SH3RF1: variants seen among roughly 807,000 people sequenced by gnomAD.
SH3RF1 encodes SH3 domain containing ring finger 1, also known as E3 ubiquitin-protein ligase SH3RF1.
SH3RF1 carries 32 observed loss-of-function variants against 74.0 expected under a neutral mutation model. The observed-to-expected ratio is 0.43, with a 90% CI of 0.33 to 0.58. SH3RF1 has a LOEUF of 0.58. Ranked by LOEUF, SH3RF1 falls within the 20% of genes least tolerant of loss-of-function variation. The pLI is 0.05. For missense variants in SH3RF1, 954 were observed against 1,130.9 expected (o/e 0.84, Z 2.24); for synonymous variants, 396 against 439.6 (o/e 0.90, Z 1.24).
At chr4:169,184,845 G>A (rs1229887668) in intron 2 of SH3RF1, among the ~76,000 whole-genome samples, 1 of 152,186 alleles carries the variant, frequency 6.6e-6, no homozygotes, top group Non-Finnish European at 1.5e-5. Flanking sequence ...GGACTAAGCA[G>A]TAGAAAACAG....
At chr4:169,218,025 G>A (rs1050443994) in intron 2 of SH3RF1, among the ~76,000 whole-genome samples, 6 of 151,508 alleles carry the variant, frequency 4.0e-5, no homozygotes, top group Non-Finnish European at 2.9e-5. Flanking sequence ...ATTTAAATGT[G>A]AATGCTATTA....
chr4:169,208,535 T>A (rs1285044355), intron 2 of SH3RF1, among the ~76,000 whole-genome samples: 1 of 152,218 alleles, frequency 6.6e-6, no homozygotes, highest in African/African-American at 2.4e-5. Context: ...ATAATTGTTT[T>A]CATTCCTAAT....
At chr4:169,203,204 C>T (rs1313359855) in intron 2 of SH3RF1, among the ~76,000 whole-genome samples, 1 of 152,138 alleles carries the variant, frequency 6.6e-6, no homozygotes, top group East Asian at 1.9e-4. Context: ...CACAGAGTAT[C>T]AACTCATAAC....
At chr4:169,265,052 C>A (rs774886792) in intron 2 of SH3RF1, among the ~76,000 whole-genome samples, 8 of 152,184 alleles carry the variant, frequency 5.3e-5, no homozygotes, top group Non-Finnish European at 1.2e-4. Context: ...AAATGCAGGT[C>A]TTTCTTCTAT....
chr4:169,250,390 G>A (rs887334164), intron 2 of SH3RF1, among the ~76,000 whole-genome samples: 5 of 151,462 alleles, frequency 3.3e-5, no homozygotes, highest in Admixed American at 6.6e-5. Flanking sequence ...ACAATACAAA[G>A]TGAATTGCCA....
chr4:169,187,773 T>G (rs1400386271), intron 2 of SH3RF1, among the ~76,000 whole-genome samples: 1 of 152,166 alleles, frequency 6.6e-6, no homozygotes, highest in Non-Finnish European at 1.5e-5. Flanking sequence ...AGGATATTGT[T>G]TGTGTTGGGT....
chr4:169,260,544 A>G (rs970113553), intron 2 of SH3RF1, among the ~76,000 whole-genome samples: 1 of 152,242 alleles, frequency 6.6e-6, no homozygotes, highest in Non-Finnish European at 1.5e-5. Flanking sequence ...GCAGAGGTGG[A>G]ACTTTTCAAA....
At chr4:169,163,546 T>G (rs936034478) in intron 2 of SH3RF1, among the ~76,000 whole-genome samples, 1 of 152,152 alleles carries the variant, frequency 6.6e-6, no homozygotes, top group Non-Finnish European at 1.5e-5. Flanking sequence ...CAGCAAACTA[T>G]AACCACAGTA....
chr4:169,167,781 G>A (rs1047186362), intron 2 of SH3RF1, among the ~76,000 whole-genome samples: 1 of 152,064 alleles, frequency 6.6e-6, no homozygotes, highest in African/African-American at 2.4e-5. Flanking sequence ...CTTGACGGAG[G>A]TGTTAGTTAT....
At chr4:169,145,317 T>G (rs1306241492) in intron 4 of SH3RF1, among the ~76,000 whole-genome samples, 2 of 152,030 alleles carry the variant, frequency 1.3e-5, no homozygotes, top group East Asian at 3.9e-4. Flanking sequence ...TTATCCTAAG[T>G]GAAATCACTC....
In SH3RF1 at chr4:169,096,483, G is replaced by A. The variant is rs1732933284; in HGVS notation, c.*36C>T. The stretch of plus-strand genomic sequence containing the variant: ...AAACTGCTTTGTGCTACTTTGTTGT[G>A]TGAAGTGATTTTAAGCTTCTTCAGT... On this transcript the variant is annotated 3_prime_UTR_variant, in exon 12 of 12. Coordinates refer to ENST00000284637, the MANE Select transcript of SH3RF1 (RefSeq NM_020870.4). 1 of 1,601,256 alleles carries A rather than the reference G, an allele frequency of 6.2e-7. No homozygotes were observed. Among genetic ancestry groups the A allele is most frequent in the South Asian group, 1.1e-5 (1 of 88,850 alleles).
intron 10 of SH3RF1, among the ~76,000 whole-genome samples, chr4:169,111,238 C>G (rs550972253): frequency 3.8e-4 from 57 of 148,156 alleles, no homozygotes; most frequent in African/African-American, 1.4e-3. Flanking sequence ...GAGGTAGAGG[C>G]TGCAGTGAGT....
At chr4:169,233,051 C>G (rs1342657667) in intron 2 of SH3RF1, among the ~76,000 whole-genome samples, 2 of 152,002 alleles carry the variant, frequency 1.3e-5, no homozygotes, top group Non-Finnish European at 2.9e-5. Context: ...GAGTTCAAGA[C>G]CAGCCTGGCC....
chr4:169,121,151 A>C (rs1269893400), intron 7 of SH3RF1, among the ~76,000 whole-genome samples, 162 bp from the exon 8 acceptor site: 17 of 152,216 alleles, frequency 1.1e-4, no homozygotes. Context: ...CCATTGAAAG[A>C]GGTTTTGCTG....
intron 3 of SH3RF1, among the ~76,000 whole-genome samples, chr4:169,156,001 T>C (rs1734044528): frequency 2.6e-5 from 4 of 152,224 alleles, no homozygotes. Context: ...CAAACCATTT[T>C]ATCAATTCGG....
intron 10 of SH3RF1, among the ~76,000 whole-genome samples, chr4:169,108,863 C>T (rs1244844738): frequency 6.6e-6 from 1 of 152,106 alleles, no homozygotes; most frequent in African/African-American, 2.4e-5. Context: ...AGCTTAGAGG[C>T]TGAGAAAATA....
intron 2 of SH3RF1, among the ~76,000 whole-genome samples, chr4:169,251,676 T>G (rs929876357): frequency 6.6e-6 from 1 of 152,176 alleles, no homozygotes; most frequent in African/African-American, 2.4e-5. Flanking sequence ...CTCCCTTTTA[T>G]GAAAGGAGGA....
chr4:169,251,033 A>C lies in SH3RF1; in HGVS notation c.393+17787T>G, dbSNP rs533552821. Among the ~76,000 whole-genome samples the C allele has an allele frequency of 6.6e-5, 10 of 152,306 alleles. No homozygotes were observed. In the East Asian group the frequency reaches 1.5e-3, roughly 23 times the overall value. On this transcript the variant is annotated intron_variant, in intron 2 of 11. Coordinates refer to ENST00000284637, the MANE Select transcript of SH3RF1 (RefSeq NM_020870.4). ...GCAGAATACTTAAGCTGAGGAGATA[A>C]GGTGGAGGAAAAGGGCAGGACTCAG...
At chr4:169,164,489 G>A (rs1734200376) in intron 2 of SH3RF1, among the ~76,000 whole-genome samples, 1 of 152,150 alleles carries the variant, frequency 6.6e-6, no homozygotes, top group African/African-American at 2.4e-5. Flanking sequence ...TTTTGAAACT[G>A]TCCTCCCAAG....
Sources: allele counts gnomAD v4.1 joint callset (sites outside exome capture counted in the v4.1 genomes callset), GRCh38; gene constraint gnomAD v4.1.1; transcripts MANE v1.5; gene names NCBI Gene and HGNC (gene_info 2026-07-23, HGNC 2026-07-21).